NBAS: variants seen among roughly 807,000 people sequenced by gnomAD.
NBAS encodes NBAS subunit of NRZ tethering complex.
A neutral mutation model predicts 302.5 loss-of-function variants in NBAS; 219 were observed. The ratio of observed to expected loss-of-function variants is 0.72; its 90% CI spans 0.65 to 0.81. NBAS has a LOEUF of 0.81. NBAS is among the 30% of genes least tolerant of loss of function. The probability of loss-of-function intolerance (pLI) is 0.00; values close to 1 mark genes in which losing one functional copy is unlikely to be tolerated. For missense variants in NBAS, 2,932 were observed against 2,841.6 expected, an observed-to-expected ratio of 1.03 and a Z score of -0.72; for synonymous variants, 1,118 against 1,021.6, an observed-to-expected ratio of 1.09 and a Z score of -1.80.
chr2:15,440,085 G>A (rs1013938553), intron 21 of NBAS, among the ~76,000 whole-genome samples: 1 of 152,256 alleles, frequency 6.6e-6, no homozygotes, highest in African/African-American at 2.4e-5. Flanking sequence ...GCAGGGCACA[G>A]ACAAACTAAA....
At chr2:15,010,396 G>T in the NBAS span, among the ~76,000 whole-genome samples, 466 of 152,262 alleles carry the variant, frequency 3.1e-3, 1 homozygote, top group Non-Finnish European at 5.1e-3. Context: ...GTTAGTGTGA[G>T]AAAAACACAC....
At chr2:15,437,714 CA>C (rs1678101485) in intron 21 of NBAS, among the ~76,000 whole-genome samples, 1 of 152,152 alleles carries the variant, frequency 6.6e-6, no homozygotes. Flanking sequence ...TTTTTAACTA[CA>C]TAACATTCAT....
rs138592420 is a variant in NBAS at position 15,167,116 on chromosome 2, C to T, written c.7048G>A (p.Val2350Met). The change falls in exon 52 of 52, where the codon GTG becomes ATG. Residue 2350 changes from valine (V) to methionine (M), a missense_variant. By Grantham distance (21) the Val-to-Met change is conservative. Coordinates refer to ENST00000281513, the MANE Select transcript of NBAS (RefSeq NM_015909.4). Reference protein sequence around the residue: ...EAEAGSLLLAVRGTHQAFRTF... With the variant: ...EAEAGSLLLAMRGTHQAFRTF... Reference sequence around the variant, plus strand: ...CTGAAGGCCTGGTGAGTCCCCCTCACGGCCAGAAGGAGAGACCCGGCTTCG... The same window carrying T: ...CTGAAGGCCTGGTGAGTCCCCCTCATGGCCAGAAGGAGAGACCCGGCTTCG... 318 of 1,613,844 alleles carry T rather than the reference C, an allele frequency of 2.0e-4. No homozygotes were observed. The highest frequency in any genetic ancestry group is 2.2e-4 in the Non-Finnish European group (264 of 1,179,832).
At chr2:15,379,002 A>C (rs1379730135) in intron 30 of NBAS, among the ~76,000 whole-genome samples, 1 of 152,182 alleles carries the variant, frequency 6.6e-6, no homozygotes, top group Non-Finnish European at 1.5e-5. Context: ...TATTCTTAAA[A>C]AATCGCTGCA....
chr2:14,884,452 AC>A, the NBAS span, among the ~76,000 whole-genome samples: 1 of 152,124 alleles, frequency 6.6e-6, no homozygotes, highest in Non-Finnish European at 1.5e-5. Flanking sequence ...AAAATTGCTC[AC>A]CCACCTCAAA....
At chr2:15,219,115 A>C in intron 47 of NBAS, 147 bp from the exon 48 acceptor site, 1 of 799,174 alleles carries the variant, frequency 1.3e-6, no homozygotes, top group Non-Finnish European at 2.0e-6. Context: ...TGGTTTTTAA[A>C]TGGCTTACAG....
the NBAS span, among the ~76,000 whole-genome samples, chr2:15,147,254 C>G: frequency 6.6e-6 from 1 of 152,060 alleles, no homozygotes; most frequent in South Asian, 2.1e-4. Flanking sequence ...ACAGGTCTGA[C>G]GAAGCTATTA....
chr2:15,431,967 G>C (rs1558332090), intron 21 of NBAS, among the ~76,000 whole-genome samples: 1 of 151,738 alleles, frequency 6.6e-6, no homozygotes, highest in African/African-American at 2.4e-5. Flanking sequence ...TCTTTCGTTA[G>C]GTAAGCAGAA....
chr2:15,388,941 C>A (rs1057165583), intron 28 of NBAS, among the ~76,000 whole-genome samples: 2 of 151,956 alleles, frequency 1.3e-5, no homozygotes, highest in Non-Finnish European at 2.9e-5. Context: ...CAAAGTTAAT[C>A]TATAGTGTTT....
the NBAS span, among the ~76,000 whole-genome samples, chr2:15,029,695 C>T: frequency 6.6e-6 from 1 of 152,194 alleles, no homozygotes; most frequent in African/African-American, 2.4e-5. Flanking sequence ...GGTGATGTAG[C>T]AGATGAGGAA....
At chr2:15,446,694 A>G (rs1678762226) in intron 21 of NBAS, among the ~76,000 whole-genome samples, 1 of 152,212 alleles carries the variant, frequency 6.6e-6, no homozygotes. Flanking sequence ...ACAAAAATGT[A>G]TTACGGAGTT....
At chr2:15,472,799 C>T (rs1047670136) in intron 16 of NBAS, among the ~76,000 whole-genome samples, 4 of 152,200 alleles carry the variant, frequency 2.6e-5, no homozygotes, top group African/African-American at 9.6e-5. Flanking sequence ...CCCTTCAGCC[C>T]TAGGGTAGTC....
chr2:15,283,040 C>T (rs751707284), intron 42 of NBAS, among the ~76,000 whole-genome samples: 4 of 152,036 alleles, frequency 2.6e-5, no homozygotes, highest in South Asian at 2.1e-4. Context: ...CTTTTGTGGG[C>T]GTCAGGGTGA....
intron 19 of NBAS, 62 bp downstream of exon 19, chr2:15,467,267 C>A (rs1679762577): frequency 1.7e-6 from 2 of 1,166,416 alleles, no homozygotes; most frequent in Non-Finnish European, 2.6e-6. Context: ...ATTAGGGCAG[C>A]CATAGCATTT....
In NBAS at chr2:15,458,858, C is replaced by T. The variant is rs532385079; in HGVS notation, c.2339+2343G>A. ...TAATTTTAAAAAAACTCTATTTTTT[C>T]CAAATGTGTTTGAAAACAAGCTAAC... On this transcript the variant is annotated intron_variant, in intron 21 of 51. Transcript: ENST00000281513. Among the ~76,000 whole-genome samples, 160 of 122,494 alleles carry T rather than the reference C, an allele frequency of 1.3e-3. 1 individual carries two copies. The highest frequency in any genetic ancestry group is 2.0e-3 in the Non-Finnish European group (113 of 55,260). The allele number at this position is 122,494 out of a possible 152,430, so 80.4% of individuals were successfully genotyped here. A position where few individuals can be genotyped will look rare whatever the true frequency, so the allele number is the denominator to read the frequency against.
the NBAS span, among the ~76,000 whole-genome samples, chr2:15,120,574 T>C: frequency 3.9e-5 from 6 of 151,970 alleles, no homozygotes; most frequent in Non-Finnish European, 2.9e-5. Flanking sequence ...TCCCCAGATA[T>C]GAAGTGAAGG....
Position 15,385,733 on chromosome 2 carries a change from G to A in NBAS, c.3258-2416C>T, listed in dbSNP as rs191419593. Among the ~76,000 whole-genome samples, 15 of 152,256 alleles carry A rather than the reference G, an allele frequency of 9.9e-5. No individual in the cohort carries two copies. In the East Asian group the frequency reaches 2.7e-3, roughly 27 times the overall value. On this transcript the variant is annotated intron_variant, in intron 28 of 51. Coordinates refer to ENST00000281513, the MANE Select transcript of NBAS (RefSeq NM_015909.4). ...ATAAGAATATTCTATGGGTAGTGAA[G>A]GTCAAGCCATGGAAATACGCATAAA...
chr2:14,884,420 C>G, the NBAS span, among the ~76,000 whole-genome samples: 2 of 152,248 alleles, frequency 1.3e-5, no homozygotes, highest in East Asian at 3.9e-4. Context: ...TGAGAAAACA[C>G]TTCCTGGAAC....
chr2:15,494,989 C>A (rs1395082455), intron 11 of NBAS, among the ~76,000 whole-genome samples: 1 of 152,178 alleles, frequency 6.6e-6, no homozygotes, highest in African/African-American at 2.4e-5. Flanking sequence ...CAATAACTCT[C>A]CTAACACGCA....
Sources: allele counts gnomAD v4.1 joint callset (sites outside exome capture counted in the v4.1 genomes callset), GRCh38; gene constraint gnomAD v4.1.1; transcripts MANE v1.5; gene names NCBI Gene and HGNC (gene_info 2026-07-23, HGNC 2026-07-21).